Variants in PLEKHA6 observed in about 807,000 individuals in gnomAD.
The protein encoded by PLEKHA6 is pleckstrin homology domain containing A6, also known as pleckstrin homology domain-containing family A member 6.
A neutral mutation model predicts 116.7 loss-of-function variants in PLEKHA6; 60 were observed. The ratio of observed to expected loss-of-function variants is 0.51; its 90% CI spans 0.42 to 0.64. The LOEUF (loss-of-function observed/expected upper bound fraction) is 0.64. Among genes scored for constraint, PLEKHA6 ranks in the 30% least tolerant of loss-of-function variants. The pLI is 0.00. For missense variants in PLEKHA6, 1,338 were observed against 1,422.7 expected (o/e 0.94, Z 0.96); for synonymous variants, 489 against 556.1 (o/e 0.88, Z 1.70).
chr1:204,310,222 T>C (rs751741338), intron 1 of PLEKHA6, among the ~76,000 whole-genome samples: 2 of 152,044 alleles, frequency 1.3e-5, no homozygotes, highest in Non-Finnish European at 2.9e-5. Flanking sequence ...GAGAGATAGA[T>C]CGAGAGAGAG....
chr1:204,259,122 G>T lies in PLEKHA6; in HGVS notation c.1007+136C>A, dbSNP rs1056861181. The T allele has an allele frequency of 7.1e-6, 7 of 990,132 alleles. No individual in the cohort carries two copies. The highest frequency in any genetic ancestry group is 1.0e-5 in the Non-Finnish European group (7 of 684,498). 61.3% of individuals were successfully genotyped at this position (990,132 alleles called of 1,614,324 possible). ...AGGATTTGGGCAAGCCAGGAAGCAT[G>T]GGATTTGCTTGGTTTCCCAACTCAG... On this transcript the variant is annotated intron_variant, in intron 8 of 22. Coordinates refer to ENST00000272203, the MANE Select transcript of PLEKHA6 (RefSeq NM_014935.5). This position sits in a 1 kb window ranked among gnomAD's most constrained non-coding sequence, Gnocchi z 4.6.
intron 2 of PLEKHA6, chr1:204,367,983 C>T (rs1236247550): frequency 6.6e-6 from 1 of 152,240 alleles, no homozygotes; most frequent in Middle Eastern, 3.2e-3. Flanking sequence ...CAAATATAAG[C>T]CAGCCGAGTT....
At chr1:204,349,211 ATCTTGAGATCTCTCTTTCTC>A (rs1673188043) in intron 1 of PLEKHA6, among the ~76,000 whole-genome samples, 1 of 152,118 alleles carries the variant, frequency 6.6e-6, no homozygotes, top group Non-Finnish European at 1.5e-5. Flanking sequence ...ATCTGTTTGG[ATCTTGAGATCTCTCTTTCTC>A]TCCCTATAAG....
Position 204,340,488 on chromosome 1 carries a change from T to C in PLEKHA6, c.-95+19206A>G, listed in dbSNP as rs575741362. On this transcript the variant is annotated intron_variant, in intron 1 of 22. Coordinates refer to ENST00000272203, the MANE Select transcript of PLEKHA6 (RefSeq NM_014935.5). ...CAACTGCGGAGAGGCAGGGAGAAGA[T>C]GAGACCACACATCCTGGACACGCTC... Among the ~76,000 whole-genome samples the C allele has an allele frequency of 1.2e-4, 18 of 152,186 alleles. No homozygotes were observed. In the East Asian group the frequency reaches 3.5e-3, roughly 29 times the overall value.
intron 1 of PLEKHA6, among the ~76,000 whole-genome samples, chr1:204,326,679 G>T (rs2103250345): frequency 6.6e-6 from 1 of 152,326 alleles, no homozygotes; most frequent in Admixed American, 6.5e-5. Flanking sequence ...CCCTAAATCT[G>T]ACTGCTAGGG....
At chr1:204,338,959 C>G (rs1297783152) in intron 1 of PLEKHA6, among the ~76,000 whole-genome samples, 4 of 152,316 alleles carry the variant, frequency 2.6e-5, no homozygotes, top group African/African-American at 7.2e-5. Context: ...TTCCCCACCC[C>G]GTGCATCCGG....
At chr1:204,227,902 A>C (rs1270651870) in intron 21 of PLEKHA6, among the ~76,000 whole-genome samples, 181 bp downstream of exon 21, 1 of 151,786 alleles carries the variant, frequency 6.6e-6, no homozygotes, top group Non-Finnish European at 1.5e-5. Flanking sequence ...GCCCCTTTGC[A>C]CCTCCCTGAG....
chr1:204,250,819 C>T (rs1558063834), intron 9 of PLEKHA6, among the ~76,000 whole-genome samples: 1 of 152,138 alleles, frequency 6.6e-6, no homozygotes, highest in Non-Finnish European at 1.5e-5. Context: ...CCCAGTTGTC[C>T]TAGGCTGACT....
chr1:204,325,228 C>T (rs1672201173), intron 1 of PLEKHA6, among the ~76,000 whole-genome samples: 2 of 152,284 alleles, frequency 1.3e-5, no homozygotes, highest in South Asian at 4.1e-4. Context: ...CAGTTATCTA[C>T]AAGTTCAGCT....
At chr1:204,353,059 A>T (rs1260098870) in intron 1 of PLEKHA6, among the ~76,000 whole-genome samples, 1 of 152,200 alleles carries the variant, frequency 6.6e-6, no homozygotes, top group African/African-American at 2.4e-5. Flanking sequence ...GCATGCAGTA[A>T]GTATGTACCC....
chr1:204,308,687 CTTT>C (rs60251937), intron 1 of PLEKHA6, among the ~76,000 whole-genome samples: 44 of 81,398 alleles, frequency 5.4e-4, no homozygotes, highest in African/African-American at 1.7e-3. Context: ...TTTTCTTTTT[CTTT>C]TTTTTTTTTT....
chr1:204,268,526 C>T (rs1383136750), intron 3 of PLEKHA6, among the ~76,000 whole-genome samples: 3 of 151,250 alleles, frequency 2.0e-5, no homozygotes, highest in Non-Finnish European at 4.4e-5. Context: ...TAAAATAGGG[C>T]TCAAAATAAT....
intron 3 of PLEKHA6, among the ~76,000 whole-genome samples, chr1:204,367,629 C>A (rs895120436): frequency 4.6e-5 from 7 of 152,176 alleles, no homozygotes; most frequent in Non-Finnish European, 1.0e-4. Flanking sequence ...CGCACTGATA[C>A]ATACGTTCCC....
chr1:204,352,766 C>G (rs1048773671), intron 1 of PLEKHA6, among the ~76,000 whole-genome samples: 1 of 152,202 alleles, frequency 6.6e-6, no homozygotes, highest in Admixed American at 6.5e-5. Context: ...AGGAGGATCA[C>G]TTGAGCCCAG....
At chr1:204,282,716 C>T (rs1209624375) in intron 1 of PLEKHA6, 1 of 985,304 alleles carries the variant, frequency 1.0e-6, no homozygotes, top group South Asian at 4.7e-5. Flanking sequence ...GGCTGGGAGA[C>T]ACTTTCTCCT....
chr1:204,241,890 T>C (rs1214723483), intron 15 of PLEKHA6, 76 bp from the exon 16 acceptor site: 25 of 1,494,948 alleles, frequency 1.7e-5, no homozygotes, highest in East Asian at 2.3e-5. Flanking sequence ...TGTTTCTTTG[T>C]TTTTTAATGG....
chr1:204,283,039 G>C (rs1439358168), intron 1 of PLEKHA6, among the ~76,000 whole-genome samples: 1 of 152,192 alleles, frequency 6.6e-6, no homozygotes, highest in Non-Finnish European at 1.5e-5. Flanking sequence ...TTCCAGCTCT[G>C]AGTTGAATCT....
chr1:204,244,840 C>T, intron 15 of PLEKHA6, 24 bp downstream of exon 15: 1 of 1,540,158 alleles, frequency 6.5e-7, no homozygotes, highest in Non-Finnish European at 8.8e-7. Context: ...CCCCACCTAC[C>T]TTCTACTCCA....
chr1:204,317,679 A>G (rs982359554), intron 1 of PLEKHA6, among the ~76,000 whole-genome samples: 7 of 152,244 alleles, frequency 4.6e-5, no homozygotes, highest in African/African-American at 1.7e-4. Context: ...TGGGTTGGGA[A>G]CTCAAATTAG....
Sources: allele counts gnomAD v4.1 joint callset (sites outside exome capture counted in the v4.1 genomes callset), GRCh38; gene constraint gnomAD v4.1.1; non-coding constraint Gnocchi (gnomAD v3.1); transcripts MANE v1.5; gene names NCBI Gene and HGNC (gene_info 2026-07-23, HGNC 2026-07-21).